NSFL1C: variants seen among roughly 807,000 people sequenced by gnomAD.
The protein encoded by NSFL1C is NSFL1 cofactor, also known as NSFL1 cofactor p47.
A neutral mutation model predicts 43.1 loss-of-function variants in NSFL1C; 14 were observed. The ratio of observed to expected loss-of-function variants is 0.32; its 90% CI spans 0.21 to 0.51. The LOEUF (loss-of-function observed/expected upper bound fraction) is 0.51, where lower values mean the gene tolerates loss of function less well. NSFL1C is among the 20% of genes least tolerant of loss of function. NSFL1C has a pLI of 0.98. For missense variants in NSFL1C, 406 were observed against 472.5 expected (o/e 0.86, Z 1.30); for synonymous variants, 171 against 183.5 (o/e 0.93, Z 0.55).
chr20:1,457,290 TTTCC>T (rs1483212082), intron 3 of NSFL1C, among the ~76,000 whole-genome samples: 3 of 152,198 alleles, frequency 2.0e-5, no homozygotes, highest in Admixed American at 2.0e-4. Flanking sequence ...TTTTCTTTCT[TTTCC>T]TTATTTTTTA....
chr20:1,450,550 T>C (rs1350367983), intron 7 of NSFL1C, among the ~76,000 whole-genome samples: 1 of 152,248 alleles, frequency 6.6e-6, no homozygotes, highest in Non-Finnish European at 1.5e-5. Flanking sequence ...ACACACATAA[T>C]ATGGTTAGAC....
At chr20:1,460,130 T>G (rs998547109) in intron 2 of NSFL1C, among the ~76,000 whole-genome samples, 7 of 152,166 alleles carry the variant, frequency 4.6e-5, no homozygotes, top group Admixed American at 4.6e-4. Context: ...TTTTCTCACA[T>G]GTAAATAAGA....
Position 1,442,337 on chromosome 20 carries a change from G to A in NSFL1C, c.*1412C>T, listed in dbSNP as rs571966074. ...TTTGGGATCAAAAGCACCAAGCCAA[G>A]TCCCTTGCTCAGGATGGGTCTTGGT... On this transcript the variant is annotated 3_prime_UTR_variant, in exon 9 of 9. Transcript: ENST00000216879. 2.0e-5 allele frequency: 3 copies of A among 152,340 alleles called. No homozygotes were observed. In the South Asian group the frequency reaches 6.2e-4, roughly 32 times the overall value. 9.4% of individuals were successfully genotyped at this position (152,340 alleles called of 1,614,324 possible).
At chr20:1,452,773 G>C (rs1431026094) in intron 6 of NSFL1C, 143 bp from the exon 7 acceptor site, 9 of 1,022,154 alleles carry the variant, frequency 8.8e-6, no homozygotes, top group Non-Finnish European at 1.3e-5. Context: ...GTGGCTACCT[G>C]TCTGCCTCCA....
intron 7 of NSFL1C, among the ~76,000 whole-genome samples, chr20:1,446,944 G>A (rs2090071991): frequency 6.6e-6 from 1 of 152,338 alleles, no homozygotes; most frequent in Admixed American, 6.5e-5. Flanking sequence ...GTGTTCCATA[G>A]GAAGGAAGGT....
chr20:1,460,953 A>G (rs1312078353), intron 2 of NSFL1C, among the ~76,000 whole-genome samples: 1 of 152,184 alleles, frequency 6.6e-6, no homozygotes, highest in African/African-American at 2.4e-5. Flanking sequence ...GCAGGGAGGT[A>G]GCATGTGGCA....
chr20:1,460,480 A>G (rs1027836291), intron 2 of NSFL1C, among the ~76,000 whole-genome samples: 2 of 152,212 alleles, frequency 1.3e-5, no homozygotes, highest in African/African-American at 4.8e-5. Context: ...GGATATTAGC[A>G]ATTGCACAAT....
rs757498151 is a variant in NSFL1C, at chr20:1,458,177, CT to C, written c.278+22del. ...CTGGACTTCCCTGTGAACTGTCCCC[CT>C]GACCCCCTCTAGAAGACTCACCTCT... On this transcript the variant is annotated intron_variant, in intron 3 of 8. Transcript: ENST00000216879. 1.1e-5 allele frequency: 18 copies of C among 1,601,086 alleles called. No individual in the cohort carries two copies. In the Admixed American group the frequency reaches 2.0e-4, roughly 18 times the overall value.
At chr20:1,445,230 C>G (rs2090032964) in intron 8 of NSFL1C, among the ~76,000 whole-genome samples, 1 of 152,148 alleles carries the variant, frequency 6.6e-6, no homozygotes, top group South Asian at 2.1e-4. Context: ...ATCTTCCTGG[C>G]CCAGTAATTT....
chr20:1,452,754 G>T (rs2090210532), intron 6 of NSFL1C, 124 bp from the exon 7 acceptor site: 1 of 1,216,052 alleles, frequency 8.2e-7, no homozygotes, highest in Non-Finnish European at 1.2e-6. Flanking sequence ...AAGGGAGCAG[G>T]CTACTCTGGT....
chr20:1,457,354 T>C (rs1230051898), intron 3 of NSFL1C, among the ~76,000 whole-genome samples: 1 of 152,218 alleles, frequency 6.6e-6, no homozygotes, highest in Non-Finnish European at 1.5e-5. Flanking sequence ...GTGTACAAAG[T>C]GATGTTATGC....
chr20:1,455,260 T>C (rs6042377), intron 3 of NSFL1C, 128 bp from the exon 4 acceptor site: 1,044,007 of 1,070,694 alleles, frequency 0.98, 509,090 homozygotes, highest in East Asian at 1. Context: ...TACTGGCTAG[T>C]TGGGAACACA....
chr20:1,458,414 T>G, intron 2 of NSFL1C, 140 bp from the exon 3 acceptor site: 1 of 636,628 alleles, frequency 1.6e-6, no homozygotes, highest in Non-Finnish European at 2.8e-6. Context: ...GAAAGGTTAA[T>G]CCCCTAAGAT....
chr20:1,452,368 A>C (rs1662989151), intron 7 of NSFL1C, 125 bp downstream of exon 7: 1 of 1,285,660 alleles, frequency 7.8e-7, no homozygotes, highest in Non-Finnish European at 1.1e-6. Flanking sequence ...CCTCCCATAC[A>C]AATAAAATTT....
chr20:1,444,225 T>C (rs2090009752), intron 8 of NSFL1C, among the ~76,000 whole-genome samples: 1 of 152,252 alleles, frequency 6.6e-6, no homozygotes, highest in South Asian at 2.1e-4. Context: ...ATTTGGGTCC[T>C]TCTTTCCAGA....
chr20:1,461,517 A>G lies in NSFL1C; in HGVS notation c.203+2812T>C, dbSNP rs112393153. On this transcript the variant is annotated intron_variant, in intron 2 of 8. Transcript: ENST00000216879. ...ATAAGGAAGAATTAGAGCACCAAAGAAATCAGTTTGGTTGGAACAAAGGAT... is the reference window on the plus strand; with the variant it reads ...ATAAGGAAGAATTAGAGCACCAAAGGAATCAGTTTGGTTGGAACAAAGGAT... Among the ~76,000 whole-genome samples the G allele has an allele frequency of 4.6e-5, 7 of 152,338 alleles. No individual in the cohort carries two copies. In the East Asian group the frequency reaches 7.7e-4, roughly 17 times the overall value.
chr20:1,452,990 A>C, intron 6 of NSFL1C, 41 bp downstream of exon 6: 1 of 1,035,290 alleles, frequency 9.7e-7, no homozygotes, highest in Non-Finnish European at 1.5e-6. Context: ...ACTGCTATCC[A>C]CTCACTGATT....
chr20:1,462,180 G>C (rs996066368), intron 2 of NSFL1C, among the ~76,000 whole-genome samples: 4 of 152,172 alleles, frequency 2.6e-5, no homozygotes, highest in Non-Finnish European at 2.9e-5. Flanking sequence ...AGTCAAAAGT[G>C]GGGGATGGGA....
At chr20:1,447,840 C>T (rs979654528) in intron 7 of NSFL1C, among the ~76,000 whole-genome samples, 1 of 152,154 alleles carries the variant, frequency 6.6e-6, no homozygotes, top group African/African-American at 2.4e-5. Context: ...GGGGCTTTCA[C>T]AGCCACGACC....
Sources: gnomAD v4.1 joint callset for allele counts (sites outside exome capture counted in the v4.1 genomes callset) on GRCh38, gnomAD v4.1.1 for gene constraint, MANE v1.5 for transcripts, NCBI Gene and HGNC (gene_info 2026-07-23, HGNC 2026-07-21) for gene names.